Variants in DCHS2 observed in about 807,000 individuals in gnomAD.
DCHS2 encodes dachsous cadherin-related 2, also known as protocadherin-23.
In DCHS2, 142 loss-of-function variants were observed where a neutral mutation model predicts 182.4. The observed-to-expected ratio is 0.78, with a 90% CI of 0.68 to 0.89. The LOEUF (loss-of-function observed/expected upper bound fraction) is 0.89. DCHS2 is among the 40% of genes least tolerant of loss of function. The probability of loss-of-function intolerance (pLI) is 0.00; values close to 1 mark genes in which losing one functional copy is unlikely to be tolerated. For synonymous variants in DCHS2, 1,740 were observed against 1,663.3 expected (o/e 1.05, Z -1.12); for missense variants, 4,319 against 4,198.6 (o/e 1.03, Z -0.79).
chr4:154,485,025 C>T (rs992816973), intron 1 of DCHS2, among the ~76,000 whole-genome samples: 5 of 152,224 alleles, frequency 3.3e-5, no homozygotes, highest in Non-Finnish European at 5.9e-5. Flanking sequence ...TACTTTCCCA[C>T]CTATAAAGCT....
intron 1 of DCHS2, among the ~76,000 whole-genome samples, chr4:154,483,293 T>A (rs1166226361): frequency 6.6e-6 from 1 of 151,918 alleles, no homozygotes; most frequent in Non-Finnish European, 1.5e-5. Flanking sequence ...AAAATCTAGA[T>A]TAAAAAATAA....
intron 12 of DCHS2, among the ~76,000 whole-genome samples, chr4:154,301,776 T>C (rs1735201636): frequency 6.6e-6 from 1 of 152,302 alleles, no homozygotes; most frequent in South Asian, 2.1e-4. Context: ...GTGGTGGGAT[T>C]ACAGGCGTGA....
chr4:154,397,363 G>A (rs1385671541), intron 1 of DCHS2, among the ~76,000 whole-genome samples: 2 of 152,162 alleles, frequency 1.3e-5, no homozygotes, highest in Non-Finnish European at 2.9e-5. Flanking sequence ...AAAGTTTGAA[G>A]TAAGTTTAGT....
intron 3 of DCHS2, among the ~76,000 whole-genome samples, chr4:154,342,958 C>T (rs780287383): frequency 5.9e-5 from 9 of 152,092 alleles, no homozygotes; most frequent in Non-Finnish European, 1.2e-4. Flanking sequence ...ACTTGAAAGT[C>T]AAAATTACTC....
chr4:154,382,520 T>C (rs1052752440), intron 1 of DCHS2, among the ~76,000 whole-genome samples: 4 of 152,048 alleles, frequency 2.6e-5, no homozygotes, highest in African/African-American at 9.7e-5. Context: ...AAAGAGCTTC[T>C]GCACAGTATA....
intron 2 of DCHS2, among the ~76,000 whole-genome samples, chr4:154,370,707 A>G (rs904091410): frequency 4.6e-5 from 7 of 152,148 alleles, no homozygotes; most frequent in African/African-American, 1.7e-4. Context: ...AGGTTAGTGG[A>G]TTTGGTGGTA....
At chr4:154,341,561 T>C (rs1729106253) in intron 3 of DCHS2, among the ~76,000 whole-genome samples, 2 of 151,960 alleles carry the variant, frequency 1.3e-5, no homozygotes, top group Admixed American at 1.3e-4. Context: ...CTATATACTG[T>C]ATATGTATCG....
chr4:154,351,607 G>T (rs1729612385), intron 3 of DCHS2, among the ~76,000 whole-genome samples: 1 of 152,012 alleles, frequency 6.6e-6, no homozygotes, highest in Non-Finnish European at 1.5e-5. Context: ...TGGTACCAGG[G>T]ACCGGTTTCG....
At chr4:154,452,798 C>A (rs1423222711) in intron 1 of DCHS2, among the ~76,000 whole-genome samples, 1 of 152,104 alleles carries the variant, frequency 6.6e-6, no homozygotes, top group Non-Finnish European at 1.5e-5. Context: ...GAAAAACAAG[C>A]AGTATTTGTT....
intron 3 of DCHS2, among the ~76,000 whole-genome samples, chr4:154,365,492 A>G (rs1730305664): frequency 6.6e-6 from 1 of 150,668 alleles, no homozygotes; most frequent in African/African-American, 2.4e-5. Flanking sequence ...TTTTTTGGAG[A>G]CAGGGTTTTG....
At chr4:154,241,821 T>G (rs564658092) in intron 17 of DCHS2, among the ~76,000 whole-genome samples, 2 of 152,276 alleles carry the variant, frequency 1.3e-5, no homozygotes, top group East Asian at 3.9e-4. Context: ...GGAGAATTTA[T>G]TTTATTTGTA....
chr4:154,401,886 C>T (rs1027707509), intron 1 of DCHS2, among the ~76,000 whole-genome samples: 12 of 152,072 alleles, frequency 7.9e-5, no homozygotes, highest in African/African-American at 2.4e-5. Context: ...CCCAGCTACT[C>T]GGGAAGCTGA....
intron 3 of DCHS2, among the ~76,000 whole-genome samples, chr4:154,345,735 A>G (rs541387421): frequency 1.3e-5 from 2 of 152,354 alleles, no homozygotes; most frequent in East Asian, 3.9e-4. Context: ...ACTACCAAAC[A>G]GGGTCTGGCA....
intron 1 of DCHS2, among the ~76,000 whole-genome samples, chr4:154,480,549 G>T (rs1251591189): frequency 2.0e-5 from 3 of 152,158 alleles, no homozygotes; most frequent in African/African-American, 2.4e-5. Context: ...TTTTTCAAAA[G>T]CATGAAGGAG....
chr4:154,250,294 T>G (rs1192774787), intron 16 of DCHS2, among the ~76,000 whole-genome samples: 1 of 152,172 alleles, frequency 6.6e-6, no homozygotes, highest in Admixed American at 6.5e-5. Flanking sequence ...TTCTATTCCC[T>G]AAATATATTT....
chr4:154,442,139 C>G (rs1203767053), intron 1 of DCHS2, among the ~76,000 whole-genome samples: 1 of 152,126 alleles, frequency 6.6e-6, no homozygotes, highest in Non-Finnish European at 1.5e-5. Flanking sequence ...GGCAGGTACA[C>G]AGAATTCAAC....
In DCHS2 at chr4:154,239,227, T is replaced by C; in HGVS notation, c.7435A>G (p.Asn2479Asp). The C allele has an allele frequency of 6.2e-7, 1 of 1,613,552 alleles. No homozygotes were observed. The highest frequency in any genetic ancestry group is 8.5e-7 in the Non-Finnish European group (1 of 1,179,714). Reference sequence around the variant, plus strand: ...GAGGATAGAATTCTGTAAGAAATGTTCTCATTGCTTTCTAAGTCTGTGGCT... The same window carrying C: ...GAGGATAGAATTCTGTAAGAAATGTCCTCATTGCTTTCTAAGTCTGTGGCT... ...LSATDLESNE[N>D]ISYRILSSSK... Residue 2479 changes from asparagine (N) to aspartate (D), a missense_variant, in exon 19 of 20, where the codon AAC (asparagine) becomes GAC (aspartate). Physicochemically the swap from Asn to Asp is conservative, Grantham distance 23 (BLOSUM62 1). Transcript: ENST00000357232.
chr4:154,390,405 C>T (rs569316905), intron 1 of DCHS2, among the ~76,000 whole-genome samples: 5 of 151,530 alleles, frequency 3.3e-5, no homozygotes, highest in African/African-American at 9.7e-5. Context: ...TACTCTTAAT[C>T]CTGTGGCCAA....
chr4:154,327,676 T>C (rs1353499018), intron 7 of DCHS2, among the ~76,000 whole-genome samples: 1 of 152,154 alleles, frequency 6.6e-6, no homozygotes, highest in Non-Finnish European at 1.5e-5. Context: ...ATGTGACATT[T>C]TCTAGGCATG....
Sources: allele counts gnomAD v4.1 joint callset (sites outside exome capture counted in the v4.1 genomes callset), GRCh38; gene constraint gnomAD v4.1.1; transcripts MANE v1.5; gene names NCBI Gene and HGNC (gene_info 2026-07-23, HGNC 2026-07-21).